CFAP92: variants seen among roughly 807,000 people sequenced by gnomAD.
CFAP92 encodes the protein cilia and flagella associated protein 92 (putative), also known as uncharacterized protein CFAP92.
Under a neutral mutation model 106.3 loss-of-function variants are expected in CFAP92, and 86 were observed. The observed-to-expected ratio is 0.81, with a 90% confidence interval of 0.68 to 0.97. The LOEUF (loss-of-function observed/expected upper bound fraction) is 0.97, where lower values mean the gene tolerates loss of function less well. CFAP92 is among the 50% of genes least tolerant of loss of function. CFAP92 has a pLI of 0.00. For synonymous variants in CFAP92, 477 were observed against 506.4 expected (o/e 0.94, Z 0.78); for missense variants, 1,204 against 1,283.8 (o/e 0.94, Z 0.95).
upstream of CFAP92, among the ~76,000 whole-genome samples, chr3:129,006,888 C>A (rs1297501739): frequency 6.6e-6 from 1 of 151,770 alleles, no homozygotes. Flanking sequence ...AAAGCTCTCA[C>A]TCTGAAAAGA....
intron 12 of CFAP92, among the ~76,000 whole-genome samples, chr3:128,931,512 T>C (rs888889581): frequency 4.2e-5 from 5 of 119,678 alleles, no homozygotes; most frequent in African/African-American, 7.2e-5. Context: ...TATATGTATA[T>C]ATATGTATGT....
At chr3:128,920,835 T>C (rs1370722353) in intron 12 of CFAP92, among the ~76,000 whole-genome samples, 1 of 152,232 alleles carries the variant, frequency 6.6e-6, no homozygotes, top group East Asian at 1.9e-4. Context: ...GTGTCTCGAC[T>C]TGTTGGCTCC....
chr3:129,023,796 G>A, the CFAP92 span, among the ~76,000 whole-genome samples: 12 of 152,290 alleles, frequency 7.9e-5, no homozygotes, highest in South Asian at 6.2e-4. Context: ...ATCCTATCAC[G>A]TAGGGTCCAC....
intron 15 of CFAP92, chr3:128,914,523 G>A (rs1936648332): frequency 6.6e-6 from 1 of 152,282 alleles, no homozygotes; most frequent in East Asian, 1.9e-4. Context: ...CTTGTTTTTA[G>A]ATAGGCTCAT....
chr3:129,007,517 T>C (rs2107866268), upstream of CFAP92, among the ~76,000 whole-genome samples: 1 of 152,352 alleles, frequency 6.6e-6, no homozygotes, highest in Non-Finnish European at 1.5e-5. Flanking sequence ...TTAGAATAAA[T>C]GACCCAACAA....
chr3:128,918,647 G>C (rs1242925397), intron 12 of CFAP92, among the ~76,000 whole-genome samples: 1 of 152,180 alleles, frequency 6.6e-6, no homozygotes, highest in Non-Finnish European at 1.5e-5. Context: ...ACTATAAAAG[G>C]GATGGTGGAG....
upstream of CFAP92, chr3:129,003,326 T>C (rs1433362410): frequency 1.0e-6 from 1 of 977,496 alleles, no homozygotes; most frequent in African/African-American, 1.8e-5. Flanking sequence ...AGGTTTGTTT[T>C]AGGCTCTGGG....
intron 15 of CFAP92, chr3:128,914,895 T>C (rs1936678071): frequency 1.8e-6 from 1 of 551,730 alleles, no homozygotes; most frequent in Admixed American, 3.1e-5. Flanking sequence ...GGGATTTGCC[T>C]CAAGTCACAC....
chr3:128,988,159 C>A (rs1183102064), intron 3 of CFAP92, among the ~76,000 whole-genome samples: 1 of 152,056 alleles, frequency 6.6e-6, no homozygotes, highest in Non-Finnish European at 1.5e-5. Flanking sequence ...ACACACACGT[C>A]TGCACACATG....
chr3:128,914,797 G>T (rs907145724), intron 15 of CFAP92: 6 of 298,374 alleles, frequency 2.0e-5, no homozygotes, highest in Non-Finnish European at 3.2e-5. Flanking sequence ...GATCAGTCAT[G>T]GGTAATAGTG....
chr3:128,979,776 A>G (rs1291937006), intron 4 of CFAP92, among the ~76,000 whole-genome samples: 2 of 150,356 alleles, frequency 1.3e-5, no homozygotes, highest in East Asian at 3.9e-4. Context: ...GAAGGGGAAC[A>G]TCACACACCG....
upstream of CFAP92, chr3:129,003,772 C>T (rs1295194136): frequency 7.1e-7 from 1 of 1,403,362 alleles, no homozygotes; most frequent in Admixed American, 3.1e-5. Context: ...TACCCCCTGC[C>T]CCTGCTGCCC....
At chr3:129,025,258 C>CA in the CFAP92 span, among the ~76,000 whole-genome samples, 1 of 152,112 alleles carries the variant, frequency 6.6e-6, no homozygotes, top group African/African-American at 2.4e-5. Flanking sequence ...AAGAGGTCCT[C>CA]AGAGGGCATC....
intron 1 of CFAP92, chr3:129,002,411 G>C (rs1030908341): frequency 2.1e-6 from 3 of 1,433,022 alleles, no homozygotes; most frequent in Non-Finnish European, 2.7e-6. Flanking sequence ...CGACAGGACA[G>C]AGTCAGAGGA....
At chr3:128,989,717 A>G (rs553318490) in intron 2 of CFAP92, among the ~76,000 whole-genome samples, 2 of 152,356 alleles carry the variant, frequency 1.3e-5, no homozygotes, top group South Asian at 2.1e-4. Context: ...GACTGTCTTT[A>G]AAGCTGTAGT....
At chr3:128,930,688 C>G (rs567337321) in intron 12 of CFAP92, among the ~76,000 whole-genome samples, 2 of 152,060 alleles carry the variant, frequency 1.3e-5, no homozygotes, top group South Asian at 2.1e-4. Context: ...GAGGCAGATA[C>G]CGCAGTGAGC....
chr3:128,915,544 G>A lies in CFAP92; in HGVS notation c.2936C>T (p.Thr979Met), dbSNP rs552584031. Residue 979 changes from threonine (T) to methionine (M), a missense_variant, in exon 14 of 16, where the codon ACG becomes ATG. Physicochemically the swap from Thr to Met is moderately conservative, Grantham distance 81 (BLOSUM62 -1). Transcript: ENST00000645291. ...GGCTGAGAGGTAATCCTGTGAGTAC[G>A]TGAATCTCTTTCTTGGCTCCTAGAA... ...EIAKEPRKRFTYSQDYLSAMV... is the reference protein window; with the variant it reads ...EIAKEPRKRFMYSQDYLSAMV... 7.2e-6 allele frequency: 11 copies of A among 1,520,916 alleles called. No homozygotes were observed. The East Asian group carries it at 7.4e-5, about 10-fold the overall frequency. The allele number at this position is 1,520,916 out of a possible 1,614,324, so 94.2% of individuals were successfully genotyped here.
the CFAP92 span, among the ~76,000 whole-genome samples, chr3:129,020,028 C>G: frequency 1.3e-5 from 2 of 152,100 alleles, no homozygotes. Flanking sequence ...CTCAGCCTCC[C>G]AAAGTGCTGG....
intron 9 of CFAP92, among the ~76,000 whole-genome samples, chr3:128,957,355 A>T (rs535691445): frequency 0.042 from 6,353 of 152,282 alleles, 351 homozygotes; most frequent in African/African-American, 0.13. Flanking sequence ...TAGGGAAACT[A>T]AAGGGGTATG....
Sources: allele counts gnomAD v4.1 joint callset (sites outside exome capture counted in the v4.1 genomes callset), GRCh38; gene constraint gnomAD v4.1.1; transcripts MANE v1.5; gene names NCBI Gene and HGNC (gene_info 2026-07-23, HGNC 2026-07-21).